MAP4K5: variants seen among roughly 807,000 people sequenced by gnomAD.
MAP4K5 encodes the protein mitogen-activated protein kinase kinase kinase kinase 5.
Under a neutral mutation model 135.6 loss-of-function variants are expected in MAP4K5, and 82 were observed. That is an observed-to-expected ratio of 0.60 (90% CI 0.51 to 0.73). The LOEUF is 0.73. MAP4K5 is among the 30% of genes least tolerant of loss of function. The pLI, the probability that MAP4K5 is intolerant of heterozygous loss-of-function variation, is 0.00. For synonymous variants in MAP4K5, 347 were observed against 335.0 expected, an observed-to-expected ratio of 1.04 and a Z score of -0.39; for missense variants, 907 against 1,010.9, an observed-to-expected ratio of 0.90 and a Z score of 1.39.
At chr14:50,482,668 T>G (rs67936943) in intron 5 of MAP4K5, 51,680 of 280,578 alleles carry the variant, frequency 0.18, 6,039 homozygotes, top group East Asian at 0.54. Context: ...TCCCAGCTAC[T>G]CGGAAGGCTG....
chr14:50,466,062 G>C (rs1251128564), intron 11 of MAP4K5, among the ~76,000 whole-genome samples: 2 of 151,962 alleles, frequency 1.3e-5, no homozygotes, highest in Admixed American at 1.3e-4. Context: ...AACAGAGTGA[G>C]ACTCCGTCTC....
At position 50,442,721 on chromosome 14, in the gene MAP4K5, A is replaced by T; in HGVS notation, c.1564+11T>A. 6.5e-7 allele frequency: 1 copy of T among 1,532,406 alleles called. No individual in the cohort carries two copies. Among genetic ancestry groups the T allele is most frequent in the Non-Finnish European group, 8.9e-7 (1 of 1,121,968 alleles). The allele number at this position is 1,532,406 out of a possible 1,614,324, so 94.9% of individuals were successfully genotyped here. ...TTTATTGGAGATGTATATAAAATTC[A>T]AACATTTTACCTTTTGTATCAGGAT... On this transcript the variant is annotated intron_variant, in intron 21 of 32. Coordinates refer to ENST00000682126, the MANE Select transcript of MAP4K5 (RefSeq NM_006575.6).
At chr14:50,516,943 TAA>T (rs1186004139) in intron 2 of MAP4K5, among the ~76,000 whole-genome samples, 3 of 152,128 alleles carry the variant, frequency 2.0e-5, no homozygotes, top group East Asian at 3.8e-4. Context: ...GATAAAAATA[TAA>T]GTTTGCTTCT....
intron 2 of MAP4K5, among the ~76,000 whole-genome samples, chr14:50,526,400 A>T (rs982679651): frequency 2.6e-5 from 4 of 152,154 alleles, no homozygotes; most frequent in East Asian, 1.9e-4. Flanking sequence ...CCCGGGTTCA[A>T]CCAATTCTCT....
chr14:50,423,704 G>A (rs914967209), intron 31 of MAP4K5, among the ~76,000 whole-genome samples: 60 of 152,242 alleles, frequency 3.9e-4, no homozygotes, highest in South Asian at 1.9e-3. Flanking sequence ...AGGAGTTCAA[G>A]GATACAGTGA....
At chr14:50,440,638 T>C (rs2036205968) in intron 21 of MAP4K5, among the ~76,000 whole-genome samples, 197 bp from the exon 22 acceptor site, 1 of 152,198 alleles carries the variant, frequency 6.6e-6, no homozygotes, top group South Asian at 2.1e-4. Flanking sequence ...AGATATATTC[T>C]ATGTTAGACT....
At chr14:50,509,307 C>G (rs2037881017) in intron 2 of MAP4K5, among the ~76,000 whole-genome samples, 1 of 152,068 alleles carries the variant, frequency 6.6e-6, no homozygotes, top group Non-Finnish European at 1.5e-5. Context: ...TTCACTGCCC[C>G]TTTTCAGAAT....
rs1247020835 is a variant in MAP4K5, at chr14:50,528,543, C to A, written c.108+3399G>T. Among the ~76,000 whole-genome samples, 9 of 151,520 alleles carry A rather than the reference C, an allele frequency of 5.9e-5. No homozygotes were observed. In the South Asian group the frequency reaches 6.3e-4, roughly 11 times the overall value. On this transcript the variant is annotated intron_variant, in intron 2 of 32. Coordinates refer to ENST00000682126, the MANE Select transcript of MAP4K5 (RefSeq NM_006575.6). ...GACTAGCTTGGGCAACACAGGAAGA[C>A]CCTGTCTTTACATTAAAAAAAAAAA...
rs1471897718 is a variant in MAP4K5 at position 50,532,507 on chromosome 14, T to TCGCCGC, written c.-175_-170dup. The TCGCCGC allele has an allele frequency of 6.6e-6, 1 of 151,300 alleles. No homozygotes were observed. The highest frequency in any genetic ancestry group is 1.5e-5 in the Non-Finnish European group (1 of 68,034). 9.4% of individuals were successfully genotyped at this position (151,300 alleles called of 1,614,324 possible). A position where few individuals can be genotyped will look rare whatever the true frequency, so the allele number is the denominator to read the frequency against. The stretch of plus-strand genomic sequence containing the variant: ...CCGGCCGGCAGCTCCGGGTTTGCCG[T>TCGCCGC]CGCCGCCGCCGCCACTCAGCCGCTG... On this transcript the variant is annotated 5_prime_UTR_variant, in exon 1 of 33. Coordinates refer to ENST00000682126, the MANE Select transcript of MAP4K5 (RefSeq NM_006575.6).
At chr14:50,457,419 C>A (rs1462451876) in intron 13 of MAP4K5, among the ~76,000 whole-genome samples, 1 of 152,126 alleles carries the variant, frequency 6.6e-6, no homozygotes, top group Non-Finnish European at 1.5e-5. Context: ...TACTTCTACC[C>A]ACCACGCAGA....
In MAP4K5 at chr14:50,462,325, A is replaced by T. The variant is rs544311292; in HGVS notation, c.936+340T>A. ...AGATAAGGGCAATCACTAAAAGGGA[A>T]AGCACCTCTGCATTTCTGCAGAGGG... On this transcript the variant is annotated intron_variant, in intron 13 of 32. Coordinates refer to ENST00000682126, the MANE Select transcript of MAP4K5 (RefSeq NM_006575.6). Among the ~76,000 whole-genome samples the T allele has an allele frequency of 1.2e-4, 19 of 152,340 alleles. 1 individual carries two copies. In the South Asian group the frequency reaches 3.7e-3, roughly 30 times the overall value.
chr14:50,476,358 G>C, intron 6 of MAP4K5, 52 bp from the exon 7 acceptor site: 1 of 905,062 alleles, frequency 1.1e-6, no homozygotes, highest in Non-Finnish European at 1.6e-6. Flanking sequence ...CTGTAAATGT[G>C]ACTCCTAAAT....
At chr14:50,459,490 C>T (rs192423773) in intron 13 of MAP4K5, among the ~76,000 whole-genome samples, 2 of 152,274 alleles carry the variant, frequency 1.3e-5, no homozygotes, top group East Asian at 3.9e-4. Flanking sequence ...GTAATGAACT[C>T]ACCATTCTGA....
At chr14:50,450,751 A>C (rs749109864) in intron 14 of MAP4K5, among the ~76,000 whole-genome samples, 5 of 152,192 alleles carry the variant, frequency 3.3e-5, no homozygotes, top group Non-Finnish European at 7.3e-5. Flanking sequence ...CTGAGGAAAG[A>C]CCTTGCTGAA....
chr14:50,444,551 T>C (rs1319764230), intron 18 of MAP4K5, among the ~76,000 whole-genome samples: 2 of 152,056 alleles, frequency 1.3e-5, no homozygotes, highest in African/African-American at 4.8e-5. Context: ...GGGTCTGAGA[T>C]TAGCCTGGGC....
chr14:50,450,085 G>A (rs1481174362), intron 14 of MAP4K5: 1 of 152,226 alleles, frequency 6.6e-6, no homozygotes, highest in Non-Finnish European at 1.5e-5. Context: ...GGGACTACAG[G>A]TGCCCGCCAC....
At chr14:50,494,855 T>TG (rs1295386430) in intron 3 of MAP4K5, among the ~76,000 whole-genome samples, 1 of 152,174 alleles carries the variant, frequency 6.6e-6, no homozygotes, top group Non-Finnish European at 1.5e-5. Context: ...CTTCAACAAA[T>TG]GGTTTGGGGA....
At chr14:50,443,253 G>A (rs980980129) in intron 20 of MAP4K5, among the ~76,000 whole-genome samples, 1 of 152,054 alleles carries the variant, frequency 6.6e-6, no homozygotes, top group Non-Finnish European at 1.5e-5. Context: ...AATAAAAAAG[G>A]ACAATGTATA....
intron 23 of MAP4K5, among the ~76,000 whole-genome samples, chr14:50,438,642 T>C (rs1429846337): frequency 1.3e-5 from 2 of 152,124 alleles, no homozygotes; most frequent in Non-Finnish European, 2.9e-5. Flanking sequence ...TATGATAATA[T>C]AACAATACAA....
Sources: gnomAD v4.1 joint callset for allele counts (sites outside exome capture counted in the v4.1 genomes callset) on GRCh38, gnomAD v4.1.1 for gene constraint, MANE v1.5 for transcripts, NCBI Gene and HGNC (gene_info 2026-07-23, HGNC 2026-07-21) for gene names.